Variants in GAREM1 observed in about 807,000 individuals in gnomAD.
GAREM1 encodes the protein GRB2-associated and regulator of MAPK protein 1.
A neutral mutation model predicts 71.3 loss-of-function variants in GAREM1; 26 were observed. The observed-to-expected ratio is 0.36, with a 90% confidence interval of 0.27 to 0.51. The LOEUF (loss-of-function observed/expected upper bound fraction) is 0.51. GAREM1 is among the 20% of genes least tolerant of loss of function. The pLI, the probability that GAREM1 is intolerant of heterozygous loss-of-function variation, is 0.95. For synonymous variants in GAREM1, 440 were observed against 433.2 expected (o/e 1.02, Z -0.20); for missense variants, 1,026 against 1,103.1 (o/e 0.93, Z 0.99).
chr18:32,427,333 T>C (rs1226943334), intron 1 of GAREM1, among the ~76,000 whole-genome samples: 1 of 152,212 alleles, frequency 6.6e-6, no homozygotes, highest in East Asian at 1.9e-4. Flanking sequence ...ATGTAAATTA[T>C]TCTTCCCAAA....
rs114777088 is a variant in GAREM1 at position 32,357,212 on chromosome 18, C to T, written c.262+35683G>A. On this transcript the variant is annotated intron_variant, in intron 2 of 5. Transcript: ENST00000269209. ...TTTGCCTTGGCCAGGCACAGCGGTT[C>T]ATGCCTGTAATCCCAACACTCTGGG... Among the ~76,000 whole-genome samples the T allele has an allele frequency of 6.9e-3, 1,047 of 152,334 alleles. 15 individuals are homozygous for T. Among genetic ancestry groups the T allele is most frequent in the African/African-American group, 0.024 (1,005 of 41,576 alleles).
intron 1 of GAREM1, among the ~76,000 whole-genome samples, chr18:32,419,276 G>A (rs779167556): frequency 2.6e-4 from 39 of 152,068 alleles, no homozygotes; most frequent in Admixed American, 5.2e-4. Flanking sequence ...TGATTAGGTC[G>A]GGCCACCAAG....
chr18:32,325,751 T>A (rs2047469170), intron 2 of GAREM1, among the ~76,000 whole-genome samples: 1 of 152,206 alleles, frequency 6.6e-6, no homozygotes. Context: ...AGAGTTTGAA[T>A]CCTGGCTTTC....
chr18:32,306,764 C>T (rs2047259888), intron 3 of GAREM1, among the ~76,000 whole-genome samples: 3 of 152,162 alleles, frequency 2.0e-5, no homozygotes, highest in Admixed American at 2.0e-4. Flanking sequence ...TGTCTACCTC[C>T]CCTACTATAC....
intron 4 of GAREM1, among the ~76,000 whole-genome samples, chr18:32,286,008 G>A (rs992216755): frequency 2.6e-5 from 4 of 152,094 alleles, no homozygotes; most frequent in African/African-American, 9.7e-5. Flanking sequence ...TGGGATTCAT[G>A]TAATTCTTTT....
At chr18:32,412,411 C>T (rs1568001254) in intron 1 of GAREM1, 1 of 1,585,136 alleles carries the variant, frequency 6.3e-7, no homozygotes, top group Non-Finnish European at 8.6e-7. Context: ...CTTCCACCAC[C>T]TCCAAAATTG....
At chr18:32,294,175 A>G (rs1227060022) in intron 3 of GAREM1, among the ~76,000 whole-genome samples, 2 of 152,232 alleles carry the variant, frequency 1.3e-5, no homozygotes, top group East Asian at 1.9e-4. Context: ...CTGTGTTTAC[A>G]TAAGAGAAAA....
At chr18:32,456,328 T>C (rs981873133) in intron 1 of GAREM1, among the ~76,000 whole-genome samples, 8 of 152,002 alleles carry the variant, frequency 5.3e-5, no homozygotes, top group Admixed American at 2.6e-4. Context: ...GGTGAACATA[T>C]ATATAAAAAG....
rs2144467216 is a variant in GAREM1, at chr18:32,287,607, G to A, written c.990C>T (p.Cys330=). The A allele has an allele frequency of 1.2e-6, 2 of 1,614,174 alleles. No individual in the cohort carries two copies. The highest frequency in any genetic ancestry group is 4.5e-5 in the East Asian group (2 of 44,878). ...ACTCATCGATGTCGAACTGTTCTTG[G>A]CAGATACCTAGCCAGTGATGGACCA... is the stretch of plus-strand genomic sequence containing the variant. ...ETLVHHWLGI[C]QEQFDIDEYS... is the part of the protein sequence containing the mutation. The change falls in exon 4 of 6, where the codon TGC becomes TGT. Residue 330 remains cysteine (C), a synonymous_variant. Transcript: ENST00000269209. This position sits in a 1 kb window ranked among gnomAD's most constrained non-coding sequence, Gnocchi z 5.9.
intron 2 of GAREM1, among the ~76,000 whole-genome samples, chr18:32,351,804 C>T (rs1399577871): frequency 6.6e-6 from 1 of 151,876 alleles, no homozygotes; most frequent in Non-Finnish European, 1.5e-5. Context: ...TTAGGCCTGA[C>T]CGGCTACCCT....
chr18:32,444,326 C>T (rs998552564), intron 1 of GAREM1, among the ~76,000 whole-genome samples: 9 of 152,130 alleles, frequency 5.9e-5, no homozygotes, highest in African/African-American at 1.4e-4. Flanking sequence ...TTACTATATG[C>T]AAATAGCATG....
intron 2 of GAREM1, among the ~76,000 whole-genome samples, chr18:32,382,445 C>T (rs999397367): frequency 2.6e-5 from 4 of 151,870 alleles, no homozygotes; most frequent in African/African-American, 2.4e-5. Context: ...TAGACACAGG[C>T]GGGAACAAGG....
intron 2 of GAREM1, among the ~76,000 whole-genome samples, chr18:32,345,117 C>T (rs1241091203): frequency 2.0e-5 from 3 of 152,056 alleles, no homozygotes; most frequent in Non-Finnish European, 4.4e-5. Context: ...AAAAAACAGT[C>T]TGCAGTCTAT....
At chr18:32,297,480 CTTTT>C (rs61553238) in intron 3 of GAREM1, among the ~76,000 whole-genome samples, 1 of 152,128 alleles carries the variant, frequency 6.6e-6, no homozygotes, top group East Asian at 1.9e-4. Context: ...AAACATTTTA[CTTTT>C]TTTAAGTGTT....
intron 1 of GAREM1, among the ~76,000 whole-genome samples, chr18:32,404,758 G>GT (rs1366019650): frequency 1.3e-5 from 2 of 151,978 alleles, no homozygotes; most frequent in East Asian, 1.9e-4. Context: ...CATTAGCCTG[G>GT]TTTTTTCTCA....
chr18:32,267,455 T>A lies in GAREM1; in HGVS notation c.*416A>T, dbSNP rs1313719910. 6.4e-6 allele frequency: 1 copy of A among 155,396 alleles called. No individual in the cohort carries two copies. The highest frequency in any genetic ancestry group is 1.4e-5 in the Non-Finnish European group (1 of 70,654). 9.6% of individuals were successfully genotyped at this position (155,396 alleles called of 1,614,324 possible). ...TGACAGAGCACAGAACACAGTTAAT[T>A]GTCTAAAGTCAACCCTCCTGAAAGA... On this transcript the variant is annotated 3_prime_UTR_variant, in exon 6 of 6. Transcript: ENST00000269209.
intron 2 of GAREM1, among the ~76,000 whole-genome samples, chr18:32,343,879 CA>C (rs1363006360): frequency 6.6e-6 from 1 of 152,098 alleles, no homozygotes; most frequent in Admixed American, 6.5e-5. Flanking sequence ...TATCCACAGG[CA>C]CCCCCCACTC....
intron 1 of GAREM1, among the ~76,000 whole-genome samples, chr18:32,468,036 T>G (rs1008052132): frequency 2.6e-5 from 4 of 152,208 alleles, no homozygotes; most frequent in African/African-American, 9.6e-5. Flanking sequence ...AAATACTTAA[T>G]ATTTTCAGGA....
At chr18:32,304,128 G>A (rs1341561368) in intron 3 of GAREM1, among the ~76,000 whole-genome samples, 6 of 151,484 alleles carry the variant, frequency 4.0e-5, no homozygotes, top group African/African-American at 1.2e-4. Flanking sequence ...CCAACATGGC[G>A]AAACCCCATC....
Sources: gnomAD v4.1 joint callset for allele counts (sites outside exome capture counted in the v4.1 genomes callset) on GRCh38, gnomAD v4.1.1 for gene constraint, Gnocchi (gnomAD v3.1) non-coding constraint, MANE v1.5 for transcripts, NCBI Gene and HGNC (gene_info 2026-07-23, HGNC 2026-07-21) for gene names.